NCK2: variants seen among roughly 807,000 people sequenced by gnomAD.
NCK2 encodes cytoplasmic protein NCK2.
NCK2 carries 16 observed loss-of-function variants against 33.9 expected under a neutral mutation model. The ratio of observed to expected loss-of-function variants is 0.47; its 90% CI spans 0.32 to 0.72. The LOEUF is 0.72. Among genes scored for constraint, NCK2 ranks in the 30% least tolerant of loss-of-function variants. The pLI is 0.03. For synonymous variants in NCK2, 273 were observed against 239.9 expected, an observed-to-expected ratio of 1.14 and a Z score of -1.27; for missense variants, 418 against 537.3, an observed-to-expected ratio of 0.78 and a Z score of 2.19.
chr2:105,773,957 A>G (rs1690218828), intron 1 of NCK2, among the ~76,000 whole-genome samples: 1 of 152,022 alleles, frequency 6.6e-6, no homozygotes, highest in Admixed American at 6.6e-5. Context: ...AGGTACCAAA[A>G]TGAAGTGTGC....
intron 3 of NCK2, among the ~76,000 whole-genome samples, chr2:105,880,060 C>T (rs1196743870): frequency 6.6e-6 from 1 of 152,168 alleles, no homozygotes; most frequent in African/African-American, 2.4e-5. Context: ...CTAGAATGTT[C>T]CGGAATTCCG....
At chr2:105,850,370 T>C (rs1407926124) in intron 2 of NCK2, among the ~76,000 whole-genome samples, 1 of 152,188 alleles carries the variant, frequency 6.6e-6, no homozygotes, top group African/African-American at 2.4e-5. Context: ...TAGTGAAAAC[T>C]GTTGAGCTGA....
intron 2 of NCK2, among the ~76,000 whole-genome samples, chr2:105,830,492 G>C (rs1456376855): frequency 1.3e-5 from 2 of 152,048 alleles, no homozygotes; most frequent in Non-Finnish European, 2.9e-5. Flanking sequence ...TGGACACTTA[G>C]GTTGATTACA....
intron 1 of NCK2, among the ~76,000 whole-genome samples, chr2:105,792,554 A>G (rs1388849392): frequency 2.0e-5 from 3 of 152,096 alleles, no homozygotes; most frequent in African/African-American, 7.2e-5. Flanking sequence ...AATCCACGTA[A>G]GGTCCACACA....
intron 4 of NCK2, among the ~76,000 whole-genome samples, chr2:105,887,415 G>A (rs1403031860): frequency 6.6e-6 from 1 of 152,196 alleles, no homozygotes; most frequent in Non-Finnish European, 1.5e-5. Flanking sequence ...GGGGGTAGAA[G>A]GAGATGTGTA....
Position 105,881,651 on chromosome 2 carries a change from A to G in NCK2, c.550A>G (p.Lys184Glu), listed in dbSNP as rs1678493924. ...AESPSFLSLR[K>E]GASLSNGQGS... ...GTCCCCAAGCTTCCTGAGCCTGCGCAAGGGCGCCTCGCTGAGCAATGGCCA... is the reference window on the plus strand; with the variant it reads ...GTCCCCAAGCTTCCTGAGCCTGCGCGAGGGCGCCTCGCTGAGCAATGGCCA... The change falls in exon 4 of 5, where the codon AAG (lysine) becomes GAG (glutamate). Residue 184 changes from lysine (K) to glutamate (E), a missense_variant. Transcript: ENST00000233154. 6.2e-7 allele frequency: 1 copy of G among 1,613,182 alleles called. No homozygotes were observed. Among genetic ancestry groups the G allele is most frequent in the South Asian group, 1.1e-5 (1 of 91,028 alleles).
chr2:105,865,507 C>T (rs1677709429), intron 3 of NCK2, among the ~76,000 whole-genome samples: 1 of 152,260 alleles, frequency 6.6e-6, no homozygotes, highest in East Asian at 1.9e-4. Context: ...TGGCGACTCC[C>T]ACCCACACGA....
chr2:105,769,524 T>A (rs554639729), intron 1 of NCK2, among the ~76,000 whole-genome samples: 3 of 152,236 alleles, frequency 2.0e-5, no homozygotes, highest in Admixed American at 6.5e-5. Flanking sequence ...ACTCTACTTA[T>A]AATAACGTAC....
At chr2:105,799,086 A>G (rs1361426935) in intron 1 of NCK2, among the ~76,000 whole-genome samples, 1 of 151,994 alleles carries the variant, frequency 6.6e-6, no homozygotes, top group Non-Finnish European at 1.5e-5. Flanking sequence ...TGTCAAGTTT[A>G]TTTAAGAAGC....
intron 1 of NCK2, among the ~76,000 whole-genome samples, chr2:105,752,272 G>C (rs887268528): frequency 2.6e-5 from 4 of 152,100 alleles, no homozygotes; most frequent in Admixed American, 2.6e-4. Context: ...AATTATAATG[G>C]TCATTATTAT....
Position 105,881,539 on chromosome 2 carries a change from C to T in NCK2, c.438C>T (p.Asp146=), listed in dbSNP as rs780411756. 1.1e-5 allele frequency: 18 copies of T among 1,613,886 alleles called. No individual in the cohort carries two copies. The highest frequency in any genetic ancestry group is 2.2e-5 in the East Asian group (1 of 44,882). ...TCACCGTCATGGAGAAGTGCAGCGACGGTTGGTGGCGGGGCAGCTACAACG... is the reference window on the plus strand; with the variant it reads ...TCACCGTCATGGAGAAGTGCAGCGATGGTTGGTGGCGGGGCAGCTACAACG... The part of the protein sequence containing the change: ...SRVTVMEKCS[D]GWWRGSYNGQ... The change falls in exon 4 of 5, where the codon GAC becomes GAT. Residue 146 remains aspartate (D), a synonymous_variant. Transcript: ENST00000233154.
chr2:105,805,944 A>G (rs983343267), intron 1 of NCK2, among the ~76,000 whole-genome samples: 1 of 152,148 alleles, frequency 6.6e-6, no homozygotes, highest in Admixed American at 6.5e-5. Flanking sequence ...AAGTCCAAAC[A>G]TGTAATTCAT....
intron 3 of NCK2, among the ~76,000 whole-genome samples, chr2:105,877,954 A>G (rs1678304564): frequency 6.6e-6 from 1 of 152,224 alleles, no homozygotes; most frequent in African/African-American, 2.4e-5. Context: ...TAGTAAAGTC[A>G]GGTCCCTCTC....
At chr2:105,861,022 A>G (rs1041920354) in intron 3 of NCK2, among the ~76,000 whole-genome samples, 6 of 151,958 alleles carry the variant, frequency 3.9e-5, no homozygotes, top group African/African-American at 1.5e-4. Flanking sequence ...AGGAGAGTCA[A>G]ACCTGGTGTG....
chr2:105,892,327 GA>G (rs796079694), intron 4 of NCK2, among the ~76,000 whole-genome samples: 54 of 152,314 alleles, frequency 3.5e-4, no homozygotes, highest in African/African-American at 1.2e-3. Flanking sequence ...TTTGGGAAAT[GA>G]AAAACAGCAA....
At chr2:105,793,110 T>C (rs997433965) in intron 1 of NCK2, among the ~76,000 whole-genome samples, 8 of 152,098 alleles carry the variant, frequency 5.3e-5, no homozygotes, top group Middle Eastern at 3.2e-3. Context: ...AGTGGCAGTG[T>C]GGCTCGCAAA....
intron 1 of NCK2, among the ~76,000 whole-genome samples, chr2:105,758,807 T>C (rs927675539): frequency 6.6e-6 from 1 of 152,252 alleles, no homozygotes; most frequent in Non-Finnish European, 1.5e-5. Context: ...TGTACTGCTC[T>C]GACAGTAAGT....
chr2:105,754,093 G>T (rs909933007), intron 1 of NCK2, among the ~76,000 whole-genome samples: 9 of 152,208 alleles, frequency 5.9e-5, no homozygotes, highest in African/African-American at 2.2e-4. Context: ...TGAGTCTGGC[G>T]TCTCTGTTGG....
At chr2:105,839,825 T>C (rs1676570358) in intron 2 of NCK2, among the ~76,000 whole-genome samples, 4 of 152,112 alleles carry the variant, frequency 2.6e-5, no homozygotes, top group African/African-American at 9.7e-5. Context: ...TGGCTACCCC[T>C]CCATCTTTAG....
Sources: gnomAD v4.1 joint callset for allele counts (sites outside exome capture counted in the v4.1 genomes callset) on GRCh38, gnomAD v4.1.1 for gene constraint, MANE v1.5 for transcripts, NCBI Gene and HGNC (gene_info 2026-07-23, HGNC 2026-07-21) for gene names.